MORC1: variants seen among roughly 807,000 people sequenced by gnomAD.
MORC1 encodes the protein MORC family CW-type zinc finger 1.
In MORC1, 59 loss-of-function variants were observed where a neutral mutation model predicts 134.9. That is an observed-to-expected ratio of 0.44 (90% confidence interval 0.35 to 0.54). The LOEUF (loss-of-function observed/expected upper bound fraction) is 0.54. MORC1 is among the 20% of genes least tolerant of loss of function. The pLI, the probability that MORC1 is intolerant of heterozygous loss-of-function variation, is 0.00. For missense variants in MORC1, 947 were observed against 1,134.5 expected (o/e 0.83, Z 2.37); for synonymous variants, 395 against 391.7 (o/e 1.01, Z -0.10).
chr3:109,078,728 CAA>C (rs1352057458), intron 8 of MORC1, among the ~76,000 whole-genome samples: 1 of 151,088 alleles, frequency 6.6e-6, no homozygotes, highest in African/African-American at 2.4e-5. Flanking sequence ...TTTAAAAATC[CAA>C]AACTGTTTTA....
chr3:109,005,936 T>C (rs1254966109), intron 18 of MORC1, among the ~76,000 whole-genome samples: 1 of 152,226 alleles, frequency 6.6e-6, no homozygotes, highest in Non-Finnish European at 1.5e-5. Context: ...TCTTTAGCTC[T>C]CATTTTCCTT....
Position 108,958,325 on chromosome 3 carries a change from G to A in MORC1, c.*640C>T, listed in dbSNP as rs1946988233. The A allele has an allele frequency of 6.6e-6, 1 of 151,288 alleles. No individual in the cohort carries two copies. The highest frequency in any genetic ancestry group is 1.5e-5 in the Non-Finnish European group (1 of 67,800). The allele number at this position is 151,288 out of a possible 1,614,324, so 9.4% of individuals were successfully genotyped here. A position where few individuals can be genotyped will look rare whatever the true frequency, so the allele number is the denominator to read the frequency against. On this transcript the variant is annotated 3_prime_UTR_variant, in exon 28 of 28. Coordinates refer to ENST00000232603, the MANE Select transcript of MORC1 (RefSeq NM_014429.4). ...AAAAAAAAAACACTTATCAAGAAAA[G>A]TGTAAAAACATACTTCTTTACGTAT...
chr3:109,081,595 C>T (rs1454177416), intron 8 of MORC1, among the ~76,000 whole-genome samples: 1 of 151,976 alleles, frequency 6.6e-6, no homozygotes, highest in East Asian at 1.9e-4. Flanking sequence ...GCTAGGACTA[C>T]AGGCATGTGC....
intron 1 of MORC1, 30 bp downstream of exon 1, chr3:109,117,965 C>T (rs1951306989): frequency 6.4e-6 from 10 of 1,551,378 alleles, no homozygotes; most frequent in African/African-American, 1.4e-5. Flanking sequence ...CAGAGACCCT[C>T]CCCGACCCCG....
At chr3:109,027,692 T>C (rs1470625953) in intron 17 of MORC1, 59 bp downstream of exon 17, 2 of 1,604,440 alleles carry the variant, frequency 1.2e-6, no homozygotes, top group Admixed American at 1.7e-5. Flanking sequence ...AATTTGCACA[T>C]ATGAAACCAA....
At chr3:108,977,630 C>T (rs746002956) in intron 24 of MORC1, among the ~76,000 whole-genome samples, 34 of 152,170 alleles carry the variant, frequency 2.2e-4, no homozygotes, top group Non-Finnish European at 4.0e-4. Context: ...CAAATATATA[C>T]AGGCACATGC....
intron 14 of MORC1, among the ~76,000 whole-genome samples, chr3:109,042,943 T>C (rs1268058587): frequency 6.6e-6 from 1 of 151,994 alleles, no homozygotes; most frequent in African/African-American, 2.4e-5. Flanking sequence ...GGGGAGATGT[T>C]GGTAAAAGGA....
chr3:109,012,975 A>C (rs1242186702), intron 17 of MORC1, among the ~76,000 whole-genome samples: 3 of 152,188 alleles, frequency 2.0e-5, no homozygotes, highest in Admixed American at 6.5e-5. Flanking sequence ...CCCTTGCCTC[A>C]TTCCTGACCT....
At chr3:108,966,420 T>A (rs948531664) in intron 26 of MORC1, among the ~76,000 whole-genome samples, 14 of 152,140 alleles carry the variant, frequency 9.2e-5, no homozygotes, top group Non-Finnish European at 2.9e-5. Flanking sequence ...AGTGTTTATG[T>A]TGGCAGTCAC....
intron 21 of MORC1, among the ~76,000 whole-genome samples, chr3:108,989,789 CA>C (rs2107481596): frequency 6.6e-6 from 1 of 152,284 alleles, no homozygotes; most frequent in South Asian, 2.1e-4. Context: ...CCCTCCCCTT[CA>C]GTCAGTAATT....
intron 17 of MORC1, among the ~76,000 whole-genome samples, chr3:109,024,028 T>C (rs1223993107): frequency 6.6e-6 from 1 of 152,224 alleles, no homozygotes; most frequent in Non-Finnish European, 1.5e-5. Context: ...TGACATAGCT[T>C]ATCAATTACA....
At chr3:109,011,214 CA>C (rs1948673508) in intron 17 of MORC1, among the ~76,000 whole-genome samples, 2 of 152,030 alleles carry the variant, frequency 1.3e-5, no homozygotes, top group African/African-American at 4.8e-5. Context: ...GACCACATCT[CA>C]AAAAACAAAA....
chr3:108,984,744 T>C lies in MORC1; in HGVS notation c.2296A>G (p.Arg766Gly). Residue 766 changes from arginine to glycine, a missense_variant, in exon 23 of 28, where the codon AGA becomes GGA. Transcript: ENST00000232603. ...TTCCAGCTAGGTAATGAAGAGCTTCTTTTCATTGCTAGAACATCATTGCAC... is the reference window on the plus strand; with the variant it reads ...TTCCAGCTAGGTAATGAAGAGCTTCCTTTCATTGCTAGAACATCATTGCAC... ...ELCNDVLAMK[R>G]SSSLPSWKSL... The C allele has an allele frequency of 1.2e-6, 2 of 1,609,674 alleles. No homozygotes were observed. Among genetic ancestry groups the C allele is most frequent in the Non-Finnish European group, 1.7e-6 (2 of 1,178,724 alleles).
intron 23 of MORC1, among the ~76,000 whole-genome samples, chr3:108,981,343 C>T (rs1947713489): frequency 6.6e-6 from 1 of 152,138 alleles, no homozygotes; most frequent in African/African-American, 2.4e-5. Context: ...CTACTGTCAA[C>T]AGCTCTTTGG....
rs1946997032 is a variant in MORC1 at position 108,958,615 on chromosome 3, T to C, written c.*350A>G. 1 of 153,622 alleles carries C rather than the reference T, an allele frequency of 6.5e-6. No homozygotes were observed. The highest frequency in any genetic ancestry group is 2.1e-4 in the South Asian group (1 of 4,876). The allele number at this position is 153,622 out of a possible 1,614,324, so 9.5% of individuals were successfully genotyped here. On this transcript the variant is annotated 3_prime_UTR_variant, in exon 28 of 28. Coordinates refer to ENST00000232603, the MANE Select transcript of MORC1 (RefSeq NM_014429.4). ...TGAAAAAATCTGCTTTTAAATGTTTTTAAGGAATAACAAAATTACAATAAC... is the reference window on the plus strand; with the variant it reads ...TGAAAAAATCTGCTTTTAAATGTTTCTAAGGAATAACAAAATTACAATAAC...
chr3:108,981,100 GA>G (rs1196847126), intron 23 of MORC1, among the ~76,000 whole-genome samples: 2 of 152,150 alleles, frequency 1.3e-5, no homozygotes, highest in African/African-American at 2.4e-5. Context: ...ACCATAGGGG[GA>G]AAAAAGTACA....
intron 17 of MORC1, among the ~76,000 whole-genome samples, chr3:109,023,338 C>T (rs1164426033): frequency 1.3e-5 from 2 of 152,198 alleles, no homozygotes; most frequent in East Asian, 1.9e-4. Context: ...TTATAGACAG[C>T]CTGGGCTGTA....
intron 14 of MORC1, among the ~76,000 whole-genome samples, chr3:109,052,412 G>C (rs908465727): frequency 6.6e-6 from 1 of 152,024 alleles, no homozygotes; most frequent in Non-Finnish European, 1.5e-5. Context: ...TAATTCAGTG[G>C]GTCTCAGGTG....
chr3:109,051,821 G>C, intron 14 of MORC1, among the ~76,000 whole-genome samples: 1 of 152,024 alleles, frequency 6.6e-6, no homozygotes, highest in Non-Finnish European at 1.5e-5. Context: ...AAGGAGTGGG[G>C]GCTAGCAAAT....
Sources: gnomAD v4.1 joint callset for allele counts (sites outside exome capture counted in the v4.1 genomes callset) on GRCh38, gnomAD v4.1.1 for gene constraint, MANE v1.5 for transcripts, NCBI Gene and HGNC (gene_info 2026-07-23, HGNC 2026-07-21) for gene names.